Variants in CDKAL1 observed in about 807,000 individuals in gnomAD.
CDKAL1 encodes the protein CDKAL1 threonylcarbamoyladenosine tRNA methylthiotransferase, also known as threonylcarbamoyladenosine tRNA methylthiotransferase.
CDKAL1 carries 32 observed loss-of-function variants against 68.2 expected under a neutral mutation model. The ratio of observed to expected loss-of-function variants is 0.47; its 90% confidence interval spans 0.35 to 0.63. The LOEUF is 0.63. Ranked by LOEUF, CDKAL1 falls within the 30% of genes least tolerant of loss-of-function variation. The probability of loss-of-function intolerance (pLI) is 0.00; values close to 1 mark genes in which losing one functional copy is unlikely to be tolerated. For synonymous variants in CDKAL1, 234 were observed against 244.3 expected, an observed-to-expected ratio of 0.96 and a Z score of 0.39; for missense variants, 606 against 696.7, an observed-to-expected ratio of 0.87 and a Z score of 1.47.
chr6:20,772,559 C>T (rs933338224), intron 7 of CDKAL1, among the ~76,000 whole-genome samples: 2 of 152,168 alleles, frequency 1.3e-5, no homozygotes, highest in Non-Finnish European at 2.9e-5. Flanking sequence ...GGACATTTTG[C>T]TTATGCAGAT....
rs910081998 is a variant in CDKAL1, at chr6:20,914,427, G to GT, written c.743-40983dup. Among the ~76,000 whole-genome samples, 62 of 150,886 alleles carry GT rather than the reference G, an allele frequency of 4.1e-4. 1 individual carries two copies. The highest frequency in any genetic ancestry group is 2.9e-3 in the East Asian group (15 of 5,144). On this transcript the variant is annotated intron_variant, in intron 9 of 15. Transcript: ENST00000274695. ...TTTTAATCTCTTACCGAGTTTTATG[G>GT]TTTTTTTTTCATGAGAATTTATCAT...
chr6:21,223,178 C>CATT (rs1779599028), intron 15 of CDKAL1, among the ~76,000 whole-genome samples: 1 of 152,130 alleles, frequency 6.6e-6, no homozygotes, highest in African/African-American at 2.4e-5. Context: ...TCTTGATAGT[C>CATT]ATTGTAATAA....
intron 11 of CDKAL1, among the ~76,000 whole-genome samples, chr6:21,017,792 T>C (rs538235160): frequency 8.5e-5 from 13 of 152,274 alleles, no homozygotes; most frequent in South Asian, 8.3e-4. Context: ...AGCCTTGGTA[T>C]CCCATGTTTA....
chr6:21,036,935 T>C (rs1039503945), intron 11 of CDKAL1, among the ~76,000 whole-genome samples: 2 of 152,114 alleles, frequency 1.3e-5, no homozygotes, highest in Admixed American at 6.6e-5. Flanking sequence ...GTATAGAACA[T>C]TGAGAAGGGA....
intron 10 of CDKAL1, among the ~76,000 whole-genome samples, chr6:20,983,178 T>C (rs114135461): frequency 0.017 from 2,649 of 152,272 alleles, 82 homozygotes; most frequent in African/African-American, 0.061. Flanking sequence ...TTATAAAAAA[T>C]ATATGTTTAT....
chr6:21,226,707 T>TTTG (rs1779761337), intron 15 of CDKAL1, among the ~76,000 whole-genome samples: 1 of 150,744 alleles, frequency 6.6e-6, no homozygotes, highest in South Asian at 2.1e-4. Context: ...TGTTGCTGTT[T>TTTG]TTGTTTTGTT....
chr6:20,965,836 A>G (rs1765280674), intron 10 of CDKAL1, among the ~76,000 whole-genome samples: 1 of 152,224 alleles, frequency 6.6e-6, no homozygotes, highest in East Asian at 1.9e-4. Context: ...TAATTTAGGA[A>G]GTCAGTTATG....
chr6:20,828,788 A>G (rs898131410), intron 8 of CDKAL1, among the ~76,000 whole-genome samples: 2 of 152,294 alleles, frequency 1.3e-5, no homozygotes, highest in Admixed American at 6.5e-5. Flanking sequence ...AAACATCACC[A>G]CTATCCACCT....
intron 15 of CDKAL1, among the ~76,000 whole-genome samples, chr6:21,210,985 C>G (rs184169187): frequency 3.3e-5 from 5 of 152,304 alleles, no homozygotes; most frequent in Admixed American, 2.6e-4. Flanking sequence ...CAGTCAATGT[C>G]TCACATATAT....
At chr6:20,727,935 T>C (rs961744459) in intron 5 of CDKAL1, among the ~76,000 whole-genome samples, 5 of 152,220 alleles carry the variant, frequency 3.3e-5, no homozygotes, top group African/African-American at 1.2e-4. Flanking sequence ...AAAAATATTC[T>C]AATTTCAAGG....
chr6:20,943,452 GT>G (rs1445803528), intron 9 of CDKAL1, among the ~76,000 whole-genome samples: 1 of 151,606 alleles, frequency 6.6e-6, no homozygotes, highest in African/African-American at 2.4e-5. Flanking sequence ...GTGATTTATA[GT>G]TTTTGCCAAA....
chr6:21,108,280 TAA>T (rs77019216), intron 12 of CDKAL1, 119 bp from the exon 13 acceptor site: 51,381 of 453,066 alleles, frequency 0.11, 1,240 homozygotes, highest in African/African-American at 0.16. Flanking sequence ...AAGAATCTCT[TAA>T]AAAAAAAAAA....
At chr6:21,135,430 A>T (rs1038614233) in intron 13 of CDKAL1, among the ~76,000 whole-genome samples, 1 of 152,104 alleles carries the variant, frequency 6.6e-6, no homozygotes, top group Non-Finnish European at 1.5e-5. Context: ...TACATTCATG[A>T]GAGTATGCAG....
At chr6:20,616,529 TTC>T (rs1176037091) in intron 4 of CDKAL1, among the ~76,000 whole-genome samples, 3 of 144,008 alleles carry the variant, frequency 2.1e-5, no homozygotes. Flanking sequence ...AGGTATTTTA[TTC>T]TCTTTGAAGC....
chr6:21,094,328 GT>G (rs1423509014), intron 12 of CDKAL1, among the ~76,000 whole-genome samples: 4 of 152,186 alleles, frequency 2.6e-5, no homozygotes, highest in Non-Finnish European at 5.9e-5. Flanking sequence ...GTTGAAGGTA[GT>G]TACTTCTAAG....
At chr6:20,963,194 T>C (rs1765139243) in intron 10 of CDKAL1, among the ~76,000 whole-genome samples, 1 of 152,080 alleles carries the variant, frequency 6.6e-6, no homozygotes, top group Non-Finnish European at 1.5e-5. Context: ...AAAGATGAAA[T>C]TGAAATGCTA....
Position 20,780,464 on chromosome 6 carries a change from C to T in CDKAL1, c.518-681C>T, listed in dbSNP as rs1323532302. 3.3e-5 allele frequency among the ~76,000 whole-genome samples: 5 copies of T among 152,118 alleles called. No individual in the cohort carries two copies. The East Asian group carries it at 9.7e-4, about 29-fold the overall frequency. On this transcript the variant is annotated intron_variant, in intron 7 of 15. Coordinates refer to ENST00000274695, the MANE Select transcript of CDKAL1 (RefSeq NM_017774.3). ...TTGGTTTTGCTTTTTTTTAATTACT[C>T]ATTTTTTCTGCAATGTAATGGCAGG...
intron 5 of CDKAL1, among the ~76,000 whole-genome samples, chr6:20,661,636 G>T (rs1769289945): frequency 1.3e-5 from 2 of 151,946 alleles, no homozygotes; most frequent in African/African-American, 2.4e-5. Context: ...ACAGTTAAAA[G>T]ATTAGTAAGT....
intron 15 of CDKAL1, among the ~76,000 whole-genome samples, chr6:21,202,261 C>T (rs900347989): frequency 1.3e-5 from 2 of 152,102 alleles, no homozygotes; most frequent in African/African-American, 2.4e-5. Flanking sequence ...GAAGGATCTG[C>T]GTGCATGGCC....
Sources: allele counts gnomAD v4.1 joint callset (sites outside exome capture counted in the v4.1 genomes callset), GRCh38; gene constraint gnomAD v4.1.1; transcripts MANE v1.5; gene names NCBI Gene and HGNC (gene_info 2026-07-23, HGNC 2026-07-21).